RIPOR2: variants seen among roughly 807,000 people sequenced by gnomAD.
RIPOR2 encodes rho family-interacting cell polarization regulator 2.
In RIPOR2, 39 loss-of-function variants were observed where a neutral mutation model predicts 114.5. The observed-to-expected ratio is 0.34, with a 90% CI of 0.26 to 0.44. RIPOR2 has a LOEUF of 0.44. Among genes scored for constraint, RIPOR2 ranks in the 20% least tolerant of loss-of-function variants. The pLI is 1.00. For missense variants in RIPOR2, 1,007 were observed against 1,255.1 expected (o/e 0.80, Z 2.99); for synonymous variants, 445 against 484.4 (o/e 0.92, Z 1.07).
intron 1 of RIPOR2, among the ~76,000 whole-genome samples, chr6:25,021,268 T>A (rs1011542260): frequency 1.3e-5 from 2 of 152,202 alleles, no homozygotes; most frequent in South Asian, 2.1e-4. Context: ...AGGAATGCAT[T>A]TCTGGACAGG....
At chr6:24,946,918 C>T (rs556665820) in intron 1 of RIPOR2, among the ~76,000 whole-genome samples, 2 of 152,204 alleles carry the variant, frequency 1.3e-5, no homozygotes, top group African/African-American at 4.8e-5. Context: ...TTCTTCCTGG[C>T]GTGGCTTCTT....
chr6:24,871,497 A>G (rs1199519923), intron 4 of RIPOR2, among the ~76,000 whole-genome samples: 1 of 152,050 alleles, frequency 6.6e-6, no homozygotes, highest in Non-Finnish European at 1.5e-5. Flanking sequence ...GATTACAGGC[A>G]CCCACCACCA....
At chr6:24,940,842 C>T (rs746653517), upstream of RIPOR2, among the ~76,000 whole-genome samples, 1 of 152,052 alleles carries the variant, frequency 6.6e-6, no homozygotes, top group Non-Finnish European at 1.5e-5. Flanking sequence ...TTAGTAGAGA[C>T]GAGGTTTCAC....
intron 21 of RIPOR2, among the ~76,000 whole-genome samples, chr6:24,806,856 G>A (rs1427820325): frequency 6.6e-6 from 1 of 152,088 alleles, no homozygotes; most frequent in African/African-American, 2.4e-5. Context: ...ACTTTTACTT[G>A]TATACATTAT....
At chr6:24,937,772 T>C (rs1473071557), upstream of RIPOR2, among the ~76,000 whole-genome samples, 4 of 152,096 alleles carry the variant, frequency 2.6e-5, no homozygotes, top group Non-Finnish European at 5.9e-5. Flanking sequence ...TGAAAAACAT[T>C]CCTAAGATCA....
intron 1 of RIPOR2, among the ~76,000 whole-genome samples, chr6:24,897,878 GC>G (rs1768042103): frequency 6.6e-6 from 1 of 152,032 alleles, no homozygotes; most frequent in African/African-American, 2.4e-5. Context: ...GGGATTCACA[GC>G]CTCCCAAGTA....
At chr6:24,928,271 G>C (rs1771112645) in intron 1 of RIPOR2, among the ~76,000 whole-genome samples, 1 of 152,166 alleles carries the variant, frequency 6.6e-6, no homozygotes, top group Non-Finnish European at 1.5e-5. Context: ...TCTGAAGGCA[G>C]TTAAGAGAGT....
chr6:24,881,894 C>T (rs13194040), intron 1 of RIPOR2, among the ~76,000 whole-genome samples: 24,195 of 152,148 alleles, frequency 0.16, 1,959 homozygotes, highest in South Asian at 0.19. Flanking sequence ...TTTCCCCTCA[C>T]CCATCAGGTC....
intron 1 of RIPOR2, among the ~76,000 whole-genome samples, chr6:25,005,710 T>TAG (rs2113662270): frequency 1.5e-5 from 1 of 68,590 alleles, no homozygotes; most frequent in East Asian, 4.1e-4. Context: ...TATATATATA[T>TAG]ATATATATAT....
chr6:25,029,214 G>A (rs900759445), intron 1 of RIPOR2, among the ~76,000 whole-genome samples: 2 of 152,006 alleles, frequency 1.3e-5, no homozygotes, highest in East Asian at 3.9e-4. Flanking sequence ...CTTGAACTCG[G>A]GAGGTGGAGG....
intron 2 of RIPOR2, among the ~76,000 whole-genome samples, chr6:24,874,220 A>G (rs762118100): frequency 1.3e-5 from 2 of 152,032 alleles, no homozygotes; most frequent in African/African-American, 4.8e-5. Context: ...TTGTAGAGAT[A>G]GGGTCTAGCT....
intron 1 of RIPOR2, among the ~76,000 whole-genome samples, chr6:25,031,849 T>C (rs1412671750): frequency 6.8e-6 from 1 of 146,398 alleles, no homozygotes; most frequent in East Asian, 2.0e-4. Flanking sequence ...AAAGGTTATA[T>C]ATATATTTAG....
At chr6:24,875,623 C>T in intron 2 of RIPOR2, 68 bp downstream of exon 2, 1 of 1,515,266 alleles carries the variant, frequency 6.6e-7, no homozygotes, top group East Asian at 2.4e-5. Flanking sequence ...CACACAGACC[C>T]TCTTCACAAC....
intron 1 of RIPOR2, among the ~76,000 whole-genome samples, chr6:24,995,800 A>AT (rs35560241): frequency 0.02 from 2,735 of 136,684 alleles, 37 homozygotes; most frequent in Non-Finnish European, 0.024. Flanking sequence ...AACTAGAGTG[A>AT]TTTTTTTTTT....
intron 8 of RIPOR2, among the ~76,000 whole-genome samples, chr6:24,859,282 A>G (rs1763822441): frequency 6.6e-6 from 1 of 152,184 alleles, no homozygotes; most frequent in Non-Finnish European, 1.5e-5. Flanking sequence ...GATGTGCATG[A>G]TTTGAATTAC....
chr6:24,866,559 G>A (rs952713715), intron 6 of RIPOR2, among the ~76,000 whole-genome samples: 1 of 138,218 alleles, frequency 7.2e-6, no homozygotes, highest in South Asian at 2.3e-4. Flanking sequence ...TTGCTATGTT[G>A]CTCAGGCTGG....
rs1244538276 is a variant in RIPOR2 at position 24,847,600 on chromosome 6, C to T, written c.1164+425G>A. 15 of 1,551,620 alleles carry T rather than the reference C, an allele frequency of 9.7e-6. No homozygotes were observed. Among genetic ancestry groups the T allele is most frequent in the Non-Finnish European group, 1.2e-5 (14 of 1,146,952 alleles). On this transcript the variant is annotated intron_variant, in intron 12 of 21. Coordinates refer to ENST00000643898, the MANE Select transcript of RIPOR2 (RefSeq NM_001286445.3). ...GAGGGAGGGCAGGTCACTGAAGGAGCGGCTGCGGTGCAGCTTGGCAAAGAA... is the reference window on the plus strand; with the variant it reads ...GAGGGAGGGCAGGTCACTGAAGGAGTGGCTGCGGTGCAGCTTGGCAAAGAA...
chr6:24,931,007 T>C (rs1316123685), intron 1 of RIPOR2, among the ~76,000 whole-genome samples: 1 of 152,224 alleles, frequency 6.6e-6, no homozygotes, highest in African/African-American at 2.4e-5. Flanking sequence ...ACTTTTACAT[T>C]TGATTTCTCT....
chr6:24,976,661 G>A, intron 1 of RIPOR2: 2 of 1,608,808 alleles, frequency 1.2e-6, no homozygotes, highest in Non-Finnish European at 1.7e-6. Context: ...ATTATTCCAG[G>A]GTTTATGTGT....
Sources: gnomAD v4.1 joint callset for allele counts (sites outside exome capture counted in the v4.1 genomes callset) on GRCh38, gnomAD v4.1.1 for gene constraint, MANE v1.5 for transcripts, NCBI Gene and HGNC (gene_info 2026-07-23, HGNC 2026-07-21) for gene names.